Variants in NPAS2 observed in about 807,000 individuals in gnomAD.
The protein encoded by NPAS2 is neuronal PAS domain-containing protein 2.
Under a neutral mutation model 107.5 loss-of-function variants are expected in NPAS2, and 23 were observed. That is an observed-to-expected ratio of 0.21 (90% CI 0.15 to 0.30). The LOEUF (loss-of-function observed/expected upper bound fraction) is 0.30. NPAS2 is among the 10% of genes least tolerant of loss of function. NPAS2 has a pLI of 1.00. For missense variants in NPAS2, 756 were observed against 1,043.3 expected (o/e 0.72, Z 3.79); for synonymous variants, 403 against 417.5 (o/e 0.97, Z 0.42).
chr2:100,877,855 T>C (rs923925377), intron 1 of NPAS2: 2 of 537,756 alleles, frequency 3.7e-6, no homozygotes, highest in African/African-American at 4.1e-5. Flanking sequence ...TCATTTCACA[T>C]ACTGCCTTGT....
chr2:100,977,296 C>T (rs1677079926), intron 14 of NPAS2: 2 of 242,402 alleles, frequency 8.3e-6, no homozygotes, highest in Non-Finnish European at 1.7e-5. Flanking sequence ...AGAAAAGATA[C>T]GGACGCACAG....
chr2:100,834,475 A>C (rs767637547), intron 1 of NPAS2, among the ~76,000 whole-genome samples: 1 of 152,208 alleles, frequency 6.6e-6, no homozygotes, highest in Non-Finnish European at 1.5e-5. Context: ...TGACTCTCTT[A>C]GGTGCGGACA....
At chr2:100,934,215 A>G (rs1429574465) in intron 4 of NPAS2, 1 of 152,212 alleles carries the variant, frequency 6.6e-6, no homozygotes, top group Non-Finnish European at 1.5e-5. Flanking sequence ...TCATTATGCT[A>G]ATTTACATAA....
chr2:100,849,305 A>G (rs1677996786), intron 1 of NPAS2, among the ~76,000 whole-genome samples: 1 of 152,180 alleles, frequency 6.6e-6, no homozygotes, highest in Non-Finnish European at 1.5e-5. Flanking sequence ...GTCTTTAGCT[A>G]AACGGTCACC....
Position 100,820,604 on chromosome 2 carries a change from C to T in NPAS2, c.-23+190C>T, listed in dbSNP as rs1676016896. Among the ~76,000 whole-genome samples, 1 of 152,050 alleles carries T rather than the reference C, an allele frequency of 6.6e-6. No individual in the cohort carries two copies. The highest frequency in any genetic ancestry group is 2.4e-5 in the African/African-American group (1 of 41,458). On this transcript the variant is annotated intron_variant, in intron 1 of 20. Transcript: ENST00000335681. The surrounding 1 kb of genome is among the most constrained non-coding windows in gnomAD (Gnocchi z 5.6). ...GGAGAGGTGGGTTCCCCTCCACAGT[C>T]AGGCCGCTGGGGGCTTCGCGTCCTG... is the stretch of plus-strand genomic sequence containing the variant.
At chr2:100,910,029 G>C (rs1209392379) in intron 2 of NPAS2, among the ~76,000 whole-genome samples, 2 of 152,118 alleles carry the variant, frequency 1.3e-5, no homozygotes, top group African/African-American at 2.4e-5. Context: ...TGTCTGGCAG[G>C]CTTAGAAACT....
rs148867371 is a variant in NPAS2 at position 100,993,222 on chromosome 2, C to T, written c.2112-125C>T. On this transcript the variant is annotated intron_variant, in intron 19 of 20. Transcript: ENST00000335681. ...TGCTGGGATTACAGGCATGAGCCACCGCGCCTGGCCAAAAGTTTCTTATGA... is the reference window on the plus strand; with the variant it reads ...TGCTGGGATTACAGGCATGAGCCACTGCGCCTGGCCAAAAGTTTCTTATGA... 554 of 873,044 alleles carry T rather than the reference C, an allele frequency of 6.3e-4. 5 individuals are homozygous for T. The East Asian group carries it at 0.014, about 23-fold the overall frequency. 54.1% of individuals were successfully genotyped at this position (873,044 alleles called of 1,614,324 possible). A position where few individuals can be genotyped will look rare whatever the true frequency, so the allele number is the denominator to read the frequency against.
At chr2:100,943,758 A>G (rs1358824134) in intron 5 of NPAS2, among the ~76,000 whole-genome samples, 2 of 152,226 alleles carry the variant, frequency 1.3e-5, no homozygotes, top group East Asian at 3.8e-4. Context: ...ACCTGTCCCC[A>G]TGATAAGAGA....
intron 10 of NPAS2, among the ~76,000 whole-genome samples, chr2:100,966,564 C>A (rs1676223120): frequency 6.6e-6 from 1 of 151,236 alleles, no homozygotes; most frequent in South Asian, 2.1e-4. Flanking sequence ...AAAGATGCCT[C>A]ACCTGTAGTA....
intron 1 of NPAS2, among the ~76,000 whole-genome samples, chr2:100,902,778 G>T (rs992124330): frequency 4.6e-5 from 7 of 152,188 alleles, no homozygotes; most frequent in African/African-American, 7.2e-5. Flanking sequence ...TGACAAAATA[G>T]TAAAAATATC....
chr2:100,882,380 TGGGC>T (rs1558836804), intron 1 of NPAS2, among the ~76,000 whole-genome samples: 23 of 151,918 alleles, frequency 1.5e-4, no homozygotes, highest in African/African-American at 5.3e-4. Context: ...GAGGCCAAGG[TGGGC>T]GGATCACAAG....
At chr2:100,858,517 T>C (rs1678725852) in intron 1 of NPAS2, among the ~76,000 whole-genome samples, 1 of 152,170 alleles carries the variant, frequency 6.6e-6, no homozygotes, top group African/African-American at 2.4e-5. Flanking sequence ...GTGGTCTCTG[T>C]GTTCCCTTTC....
At chr2:100,933,457 G>A (rs1231736696) in intron 4 of NPAS2, among the ~76,000 whole-genome samples, 1 of 152,102 alleles carries the variant, frequency 6.6e-6, no homozygotes, top group East Asian at 1.9e-4. Context: ...CTTTGAACTT[G>A]AACTCATGTT....
At chr2:100,922,715 G>T (rs1223899492) in intron 2 of NPAS2, among the ~76,000 whole-genome samples, 2 of 152,168 alleles carry the variant, frequency 1.3e-5, no homozygotes, top group African/African-American at 2.4e-5. Flanking sequence ...GTCATTCCAG[G>T]CTCATTTTCT....
At chr2:100,949,238 G>A (rs1326101461) in intron 6 of NPAS2, 129 bp from the exon 7 acceptor site, 35 of 668,780 alleles carry the variant, frequency 5.2e-5, no homozygotes, top group East Asian at 4.7e-4. Flanking sequence ...AAAGTCAGTC[G>A]TAGTGAGAGA....
rs760794820 is a variant in NPAS2, at chr2:100,993,385, C to T, written c.2150C>T (p.Ala717Val). The stretch of plus-strand genomic sequence containing the variant: ...CAGACCGTGTTTCAAAATCCAGACG[C>T]ACACCCCGCCAACAGCAGCAGCGCC... Reference protein sequence around the residue: ...QSQTVFQNPDAHPANSSSAPM... With the variant: ...QSQTVFQNPDVHPANSSSAPM... The change falls in exon 20 of 21, where the codon GCA becomes GTA. Residue 717 changes from alanine to valine, a missense_variant. This residue lies in a region of NPAS2 where 496 missense variants were observed against 594.4 expected (regional missense o/e 0.83). Coordinates refer to ENST00000335681, the MANE Select transcript of NPAS2 (RefSeq NM_002518.4). The T allele has an allele frequency of 1.9e-6, 3 of 1,608,576 alleles. No homozygotes were observed. In the East Asian group the frequency reaches 6.7e-5, roughly 36 times the overall value.
In NPAS2 at chr2:100,996,083, C is replaced by A; in HGVS notation, c.*501C>A. 1 of 688,308 alleles carries A rather than the reference C, an allele frequency of 1.5e-6. No homozygotes were observed. Among genetic ancestry groups the A allele is most frequent in the Non-Finnish European group, 2.0e-6 (1 of 501,108 alleles). The allele number at this position is 688,308 out of a possible 1,614,324, so 42.6% of individuals were successfully genotyped here. A position where few individuals can be genotyped will look rare whatever the true frequency, so the allele number is the denominator to read the frequency against. On this transcript the variant is annotated 3_prime_UTR_variant, in exon 21 of 21. Transcript: ENST00000335681. ...GTTGTTTTTGTTTTAATTTGCACAG[C>A]TACACAGAGGAAATAACTTAGGCAC...
chr2:100,906,825 G>A (rs554716028), intron 2 of NPAS2, among the ~76,000 whole-genome samples: 2 of 152,234 alleles, frequency 1.3e-5, no homozygotes, highest in Non-Finnish European at 2.9e-5. Context: ...CCTTTGAAGT[G>A]TGTATCATTC....
chr2:100,964,972 T>G (rs1676127657), intron 9 of NPAS2, 29 bp downstream of exon 9: 1 of 1,466,664 alleles, frequency 6.8e-7, no homozygotes, highest in African/African-American at 1.5e-5. Context: ...ATATTTGGGT[T>G]GGGCCCTTCT....
Sources: gnomAD v4.1 joint callset for allele counts (sites outside exome capture counted in the v4.1 genomes callset) on GRCh38, gnomAD v4.1.1 for gene constraint, gnomAD v4.1.1 regional missense constraint, Gnocchi (gnomAD v3.1) non-coding constraint, MANE v1.5 for transcripts, NCBI Gene and HGNC (gene_info 2026-07-23, HGNC 2026-07-21) for gene names.